TAFA2: variants seen among roughly 807,000 people sequenced by gnomAD.
TAFA2 encodes chemokine-like protein TAFA-2.
A neutral mutation model predicts 18.8 loss-of-function variants in TAFA2; 7 were observed. That is an observed-to-expected ratio of 0.37 (90% CI 0.21 to 0.70). The LOEUF is 0.70. Among genes scored for constraint, TAFA2 ranks in the 30% least tolerant of loss-of-function variants. The probability of loss-of-function intolerance (pLI) is 0.53; values close to 1 mark genes in which losing one functional copy is unlikely to be tolerated. For missense variants in TAFA2, 122 were observed against 158.1 expected (o/e 0.77, Z 1.23); for synonymous variants, 60 against 54.2 (o/e 1.11, Z -0.47).
intron 1 of TAFA2, among the ~76,000 whole-genome samples, chr12:62,149,826 C>T (rs2062315483): frequency 6.6e-6 from 1 of 152,058 alleles, no homozygotes; most frequent in Non-Finnish European, 1.5e-5. Flanking sequence ...ATGCCTTGGC[C>T]TTTATCAGAG....
At position 61,708,799 on chromosome 12, in the gene TAFA2, G is replaced by A. The variant is rs1869260259; in HGVS notation, c.*1607C>T. 1 of 152,114 alleles carries A rather than the reference G, an allele frequency of 6.6e-6. No homozygotes were observed. Among genetic ancestry groups the A allele is most frequent in the African/African-American group, 2.4e-5 (1 of 41,440 alleles). The allele number at this position is 152,114 out of a possible 1,614,324, so 9.4% of individuals were successfully genotyped here. A position where few individuals can be genotyped will look rare whatever the true frequency, so the allele number is the denominator to read the frequency against. ...TTGCTCTTCCCAGGAAAGTGTCTGA[G>A]TAGTGTTTTGGCCTTTGAATATTGT... On this transcript the variant is annotated 3_prime_UTR_variant, in exon 5 of 5. Coordinates refer to ENST00000416284, the MANE Select transcript of TAFA2 (RefSeq NM_178539.5).
intron 2 of TAFA2, among the ~76,000 whole-genome samples, chr12:61,840,536 C>T (rs1873128182): frequency 6.6e-6 from 1 of 151,958 alleles, no homozygotes; most frequent in Non-Finnish European, 1.5e-5. Context: ...TACTCTTCAA[C>T]CAGAGAATAG....
chr12:61,849,976 T>C (rs555395069), intron 2 of TAFA2, among the ~76,000 whole-genome samples: 3 of 152,210 alleles, frequency 2.0e-5, no homozygotes, highest in Non-Finnish European at 2.9e-5. Flanking sequence ...TGACAAAAAA[T>C]AGCACTATGA....
chr12:62,108,591 A>G (rs962313606), intron 1 of TAFA2, among the ~76,000 whole-genome samples: 2 of 152,158 alleles, frequency 1.3e-5, no homozygotes, highest in Non-Finnish European at 2.9e-5. Context: ...GAACTAATTT[A>G]CACTCCCACC....
At chr12:62,212,376 A>C (rs1192316190) in intron 1 of TAFA2, among the ~76,000 whole-genome samples, 1 of 152,172 alleles carries the variant, frequency 6.6e-6, no homozygotes, top group Non-Finnish European at 1.5e-5. Flanking sequence ...ACATAAGCCT[A>C]CTTCTTCAGG....
intron 1 of TAFA2, among the ~76,000 whole-genome samples, chr12:62,204,635 T>C (rs2062684505): frequency 6.6e-6 from 1 of 152,196 alleles, no homozygotes. Context: ...TTGATACTTG[T>C]GGTTGCAATG....
chr12:61,831,685 G>T (rs1872725749), intron 2 of TAFA2, among the ~76,000 whole-genome samples: 1 of 152,048 alleles, frequency 6.6e-6, no homozygotes. Flanking sequence ...TCTTTAGCTT[G>T]TTTTAATTTT....
At chr12:61,917,267 T>C (rs2121356394) in intron 1 of TAFA2, among the ~76,000 whole-genome samples, 1 of 152,352 alleles carries the variant, frequency 6.6e-6, no homozygotes, top group African/African-American at 2.4e-5. Flanking sequence ...AAACTGTCCC[T>C]ATGAATCCAA....
chr12:62,016,688 A>T (rs763180356), intron 1 of TAFA2, among the ~76,000 whole-genome samples: 9 of 152,128 alleles, frequency 5.9e-5, no homozygotes, highest in Non-Finnish European at 1.3e-4. Context: ...CTCAGAATCA[A>T]CCATCCTACC....
chr12:62,008,989 C>T (rs956033319), intron 1 of TAFA2, among the ~76,000 whole-genome samples: 1 of 152,134 alleles, frequency 6.6e-6, no homozygotes, highest in African/African-American at 2.4e-5. Context: ...ATTTTTGTAA[C>T]TTAATCATGT....
intron 1 of TAFA2, among the ~76,000 whole-genome samples, chr12:61,924,576 G>A (rs1194911535): frequency 6.6e-6 from 1 of 152,140 alleles, no homozygotes; most frequent in East Asian, 1.9e-4. Flanking sequence ...CCTCACAAGA[G>A]TTCTTGAAGG....
In TAFA2 at chr12:61,709,248, C is replaced by T. The variant is rs1048973744; in HGVS notation, c.*1158G>A. On this transcript the variant is annotated 3_prime_UTR_variant, in exon 5 of 5. Transcript: ENST00000416284. ...GAACCAAAACCATAAACGTTAAAAT[C>T]GCTACAAAAATGTCACAAAATATTG... 4 of 152,338 alleles carry T rather than the reference C, an allele frequency of 2.6e-5. No individual in the cohort carries two copies. The highest frequency in any genetic ancestry group is 2.1e-4 in the South Asian group (1 of 4,826). 9.4% of individuals were successfully genotyped at this position (152,338 alleles called of 1,614,324 possible). A position where few individuals can be genotyped will look rare whatever the true frequency, so the allele number is the denominator to read the frequency against.
chr12:61,952,750 T>A (rs1878513909), intron 1 of TAFA2, among the ~76,000 whole-genome samples: 1 of 152,060 alleles, frequency 6.6e-6, no homozygotes, highest in Non-Finnish European at 1.5e-5. Flanking sequence ...TATAGAAAAT[T>A]GTATTATATA....
intron 2 of TAFA2, among the ~76,000 whole-genome samples, chr12:61,806,024 C>G (rs1467814715): frequency 6.6e-6 from 1 of 152,138 alleles, no homozygotes; most frequent in African/African-American, 2.4e-5. Flanking sequence ...AGATTTGTTA[C>G]TTGAGTGTGA....
intron 2 of TAFA2, among the ~76,000 whole-genome samples, chr12:61,865,467 A>T (rs990593610): frequency 6.6e-6 from 1 of 152,224 alleles, no homozygotes; most frequent in African/African-American, 2.4e-5. Flanking sequence ...CTTTCATAAA[A>T]TCTTCATCCA....
At chr12:62,099,663 G>C (rs1485572544) in intron 1 of TAFA2, among the ~76,000 whole-genome samples, 1 of 152,146 alleles carries the variant, frequency 6.6e-6, no homozygotes, top group Non-Finnish European at 1.5e-5. Context: ...ATTTTGCCAA[G>C]CATATGAGGA....
rs145431177 is a variant in TAFA2 at position 62,120,018 on chromosome 12, C to T, written c.-2+71241G>A. On this transcript the variant is annotated intron_variant, in intron 1 of 4. Transcript: ENST00000416284. ...AACCTGGGAGGCAGAAGTTCTGGTGCGCCATTGCACTCCAGCCTGGGGAAA... is the reference window on the plus strand; with the variant it reads ...AACCTGGGAGGCAGAAGTTCTGGTGTGCCATTGCACTCCAGCCTGGGGAAA... Among the ~76,000 whole-genome samples, 480 of 151,460 alleles carry T rather than the reference C, an allele frequency of 3.2e-3. 5 individuals carry two copies. The highest frequency in any genetic ancestry group is 0.01 in the African/African-American group (433 of 41,264).
rs190639922 is a variant in TAFA2, at chr12:62,192,495, C to T, written c.-1238G>A. The T allele has an allele frequency of 6.6e-6, 1 of 152,334 alleles. No individual in the cohort carries two copies. The highest frequency in any genetic ancestry group is 2.4e-5 in the African/African-American group (1 of 41,464). The allele number at this position is 152,334 out of a possible 1,614,324, so 9.4% of individuals were successfully genotyped here. On this transcript the variant is annotated 5_prime_UTR_variant, in exon 1 of 5. Coordinates refer to ENST00000416284, the MANE Select transcript of TAFA2 (RefSeq NM_178539.5). ...CAAAGCCTCCTCTCCGCGTCCCACC[C>T]CAGATGCTATACTGTCAAAAGACAC... is the stretch of plus-strand genomic sequence containing the variant.
chr12:62,137,635 A>T (rs998645161), intron 1 of TAFA2, among the ~76,000 whole-genome samples: 3 of 152,104 alleles, frequency 2.0e-5, no homozygotes, highest in African/African-American at 7.2e-5. Context: ...CACTCAAAAG[A>T]ATCCCAACCC....
Sources: gnomAD v4.1 joint callset for allele counts (sites outside exome capture counted in the v4.1 genomes callset) on GRCh38, gnomAD v4.1.1 for gene constraint, MANE v1.5 for transcripts, NCBI Gene and HGNC (gene_info 2026-07-23, HGNC 2026-07-21) for gene names.